ESAM: variants seen among roughly 807,000 people sequenced by gnomAD.
The protein encoded by ESAM is endothelial cell-selective adhesion molecule.
In ESAM, 23 loss-of-function variants were observed where a neutral mutation model predicts 31.8. The ratio of observed to expected loss-of-function variants is 0.72; its 90% confidence interval spans 0.52 to 1.03. The LOEUF (loss-of-function observed/expected upper bound fraction) is 1.03. Among genes scored for constraint, ESAM ranks in the 50% least tolerant of loss-of-function variants. The pLI, the probability that ESAM is intolerant of heterozygous loss-of-function variation, is 0.00. For synonymous variants in ESAM, 216 were observed against 207.2 expected, an observed-to-expected ratio of 1.04 and a Z score of -0.37; for missense variants, 478 against 488.9, an observed-to-expected ratio of 0.98 and a Z score of 0.21.
At chr11:124,757,751 G>T (rs1944173696) in intron 2 of ESAM, among the ~76,000 whole-genome samples, 1 of 143,164 alleles carries the variant, frequency 7.0e-6, no homozygotes, top group Non-Finnish European at 1.5e-5. Context: ...AGGCTGAAGT[G>T]CAGTGGCTGG....
In ESAM at chr11:124,758,393, G is replaced by C. The variant is rs202080091; in HGVS notation, c.205C>G (p.Pro69Ala). The change falls in exon 2 of 7, where the codon CCC becomes GCC. Residue 69 changes from proline to alanine, a missense_variant. By Grantham distance (27) the Pro-to-Ala change is conservative. Coordinates refer to ENST00000278927, the MANE Select transcript of ESAM (RefSeq NM_138961.3). ...TGTTTGAAGAACCACATCACAAAGGGCACCTCCCATGGCTGGGATGAAGAC... is the reference window on the plus strand; with the variant it reads ...TGTTTGAAGAACCACATCACAAAGGCCACCTCCCATGGCTGGGATGAAGAC... ...EVSSSQPWEV[P>A]FVMWFFKQKE... 2 of 1,614,122 alleles carry C rather than the reference G, an allele frequency of 1.2e-6. No individual in the cohort carries two copies. The highest frequency in any genetic ancestry group is 8.5e-7 in the Non-Finnish European group (1 of 1,180,016).
Position 124,754,428 on chromosome 11 carries a change from C to T in ESAM, c.731-88G>A. 1 of 1,539,222 alleles carries T rather than the reference C, an allele frequency of 6.5e-7. No individual in the cohort carries two copies. The highest frequency in any genetic ancestry group is 8.8e-7 in the Non-Finnish European group (1 of 1,142,252). On this transcript the variant is annotated intron_variant, in intron 5 of 6. Transcript: ENST00000278927. The surrounding 1 kb of genome is among the most constrained non-coding windows in gnomAD (Gnocchi z 4.5). ...CCACTCTCCCCACCCCATCTGCCAC[C>T]ATACACATTCCCTCTTTTTCCCTGT...
intron 4 of ESAM, among the ~76,000 whole-genome samples, chr11:124,755,800 G>A (rs1944146014): frequency 6.6e-6 from 1 of 152,070 alleles, no homozygotes; most frequent in Non-Finnish European, 1.5e-5. Context: ...TAAAATCATC[G>A]AATACTTCAT....
At position 124,762,268 on chromosome 11, in the gene ESAM, C is replaced by T. The variant is rs569416200; in HGVS notation, c.-114G>A. 3.8e-5 allele frequency: 30 copies of T among 794,002 alleles called. No individual in the cohort carries two copies. Among genetic ancestry groups the T allele is most frequent in the Non-Finnish European group, 5.0e-5 (26 of 524,130 alleles). 49.2% of individuals were successfully genotyped at this position (794,002 alleles called of 1,614,324 possible). A position where few individuals can be genotyped will look rare whatever the true frequency, so the allele number is the denominator to read the frequency against. ...GCGCGGGAGCCGAGCCGCTGACACC[C>T]AGGGCGGCTCCAGCCCAAGTCTGCG... On this transcript the variant is annotated 5_prime_UTR_variant, in exon 1 of 7. Transcript: ENST00000278927. The surrounding 1 kb of genome is among the most constrained non-coding windows in gnomAD (Gnocchi z 6.4).
chr11:124,758,897 G>A (rs533361016), intron 1 of ESAM, among the ~76,000 whole-genome samples: 68 of 152,322 alleles, frequency 4.5e-4, no homozygotes, highest in Admixed American at 4.3e-3. Flanking sequence ...TGTCGTACGC[G>A]CCACGTAGCC....
chr11:124,757,163 C>A (rs780538340), intron 2 of ESAM: 5 of 195,222 alleles, frequency 2.6e-5, no homozygotes, highest in South Asian at 2.0e-4. Flanking sequence ...AGGCTGGGCA[C>A]GTTGCCTCAT....
chr11:124,756,896 C>T (rs1944161941), intron 2 of ESAM, 154 bp from the exon 3 acceptor site: 2 of 745,284 alleles, frequency 2.7e-6, no homozygotes, highest in South Asian at 3.5e-5. Flanking sequence ...CACCTTTTGT[C>T]CCTAGCCCCC....
At chr11:124,760,435 G>A (rs1385760354) in intron 1 of ESAM, among the ~76,000 whole-genome samples, 1 of 152,246 alleles carries the variant, frequency 6.6e-6, no homozygotes, top group East Asian at 1.9e-4. Flanking sequence ...CCCGCTCCCC[G>A]GGGCTATTTT....
chr11:124,756,434 T>G, intron 3 of ESAM, 72 bp from the exon 4 acceptor site: 1 of 1,579,000 alleles, frequency 6.3e-7, no homozygotes, highest in Non-Finnish European at 8.6e-7. Flanking sequence ...CCTGCACCCT[T>G]CTGTCGCTTC....
intron 4 of ESAM, among the ~76,000 whole-genome samples, chr11:124,755,383 C>G (rs1944141112): frequency 6.6e-6 from 1 of 151,614 alleles, no homozygotes; most frequent in Non-Finnish European, 1.5e-5. Flanking sequence ...TACCCTAAAA[C>G]TTAAAGTATA....
rs1944160199 is a variant in ESAM, at chr11:124,756,759, C to G, written c.250-17G>C. 1 of 1,613,264 alleles carries G rather than the reference C, an allele frequency of 6.2e-7. No homozygotes were observed. The highest frequency in any genetic ancestry group is 1.1e-5 in the South Asian group (1 of 90,926). Reference sequence around the variant, plus strand: ...GGACAACACCTGGTGTGGGGCATAACACATCCCCGTCATTACTACATGTGT... The same window carrying G: ...GGACAACACCTGGTGTGGGGCATAAGACATCCCCGTCATTACTACATGTGT... On this transcript the variant is annotated splice_polypyrimidine_tract_variant and intron_variant, in intron 2 of 6. Transcript: ENST00000278927.
At position 124,758,462 on chromosome 11, in the gene ESAM, C is replaced by G; in HGVS notation, c.136G>C (p.Gly46Arg). Reference sequence around the variant, plus strand: ...TACCACGCTGGAAGCACCACTTCCCCTCCCTCCACCGCCTGCAACCGGTTG... The same window carrying G: ...TACCACGCTGGAAGCACCACTTCCCGTCCCTCCACCGCCTGCAACCGGTTG... Reference protein sequence around the residue: ...PANRLQAVEGGEVVLPAWYTL... With the variant: ...PANRLQAVEGREVVLPAWYTL... The change falls in exon 2 of 7, where the codon GGG becomes CGG. Residue 46 changes from glycine (G) to arginine (R), a missense_variant. Coordinates refer to ENST00000278927, the MANE Select transcript of ESAM (RefSeq NM_138961.3). 1 of 1,612,836 alleles carries G rather than the reference C, an allele frequency of 6.2e-7. No homozygotes were observed. The highest frequency in any genetic ancestry group is 8.5e-7 in the Non-Finnish European group (1 of 1,179,466).
intron 4 of ESAM, 118 bp downstream of exon 4, chr11:124,756,089 C>CCT (rs2134458474): frequency 7.1e-7 from 1 of 1,401,262 alleles, no homozygotes; most frequent in Admixed American, 2.0e-5. Context: ...CCCACATCCT[C>CCT]CTCCTCCTCC....
chr11:124,756,264 G>A lies in ESAM; in HGVS notation c.550C>T (p.Gln184Ter), dbSNP rs903686914. 1.9e-6 allele frequency: 3 copies of A among 1,614,062 alleles called. No individual in the cohort carries two copies. Among genetic ancestry groups the A allele is most frequent in the Non-Finnish European group, 2.5e-6 (3 of 1,180,042 alleles). The change falls in exon 4 of 7, where the codon CAA (glutamine) becomes TAA (stop). Residue 184 changes from glutamine to a stop codon, truncating the protein, a stop_gained. Transcript: ENST00000278927. LOFTEE classifies it high-confidence loss of function. The part of the protein sequence containing the change: ...CQSPRSKPAV[Q>*]YQWDRQLPSF... ...GGAAGCTGCCGATCCCACTGGTATT[G>A]GACAGCGGGCTTACTCCTTGGAGAC...
In ESAM at chr11:124,753,753, G is replaced by A; in HGVS notation, c.1066C>T (p.Gln356Ter). 3 of 1,614,164 alleles carry A rather than the reference G, an allele frequency of 1.9e-6. No individual in the cohort carries two copies. Among genetic ancestry groups the A allele is most frequent in the Non-Finnish European group, 2.5e-6 (3 of 1,180,032 alleles). ...RLPTTDGAHP[Q>*]PISPIPGGVS... is the part of the protein sequence containing the mutation. ...CCACCAGGGATGGGGGATATTGGTT[G>A]AGGGTGGGCCCCATCTGTCGTGGGC... is the stretch of plus-strand genomic sequence containing the variant. Residue 356 changes from glutamine (Q) to a stop codon, truncating the protein, a stop_gained, in exon 7 of 7, where the codon CAA (glutamine) becomes TAA (stop). Coordinates refer to ENST00000278927, the MANE Select transcript of ESAM (RefSeq NM_138961.3). LOFTEE classifies it high-confidence loss of function.
chr11:124,753,500 T>G lies in ESAM; in HGVS notation c.*146A>C, dbSNP rs1944115639. ...CCTGGACACTTAGGTCTTACTGAGA[T>G]GGTTTTCCCACAGTAAAGAGAGGTG... On this transcript the variant is annotated 3_prime_UTR_variant, in exon 7 of 7. Transcript: ENST00000278927. 1 of 840,264 alleles carries G rather than the reference T, an allele frequency of 1.2e-6. No individual in the cohort carries two copies. Among genetic ancestry groups the G allele is most frequent in the Non-Finnish European group, 1.8e-6 (1 of 552,864 alleles). The allele number at this position is 840,264 out of a possible 1,614,324, so 52.1% of individuals were successfully genotyped here.
In ESAM at chr11:124,758,526, C is replaced by T. The variant is rs995925467; in HGVS notation, c.72G>A (p.Ala24=). The change falls in exon 2 of 7, where the codon GCG becomes GCA. Residue 24 remains alanine, a splice_region_variant and synonymous_variant. Transcript: ENST00000278927. ...GTTGCAGCTGGGCCCGCGAGGGGGG[C>T]GCTGGAGACAAGAGCGAGGCGTGAG... ...RFLFLGLSAL[A]PPSRAQLQLH... is the part of the protein sequence containing the mutation. 1.3e-6 allele frequency: 2 copies of T among 1,550,100 alleles called. No homozygotes were observed. The highest frequency in any genetic ancestry group is 1.2e-5 in the South Asian group (1 of 82,994).
chr11:124,754,074 C>T lies in ESAM; in HGVS notation c.858-113G>A, dbSNP rs1944125874. 4 of 1,551,186 alleles carry T rather than the reference C, an allele frequency of 2.6e-6. No homozygotes were observed. The highest frequency in any genetic ancestry group is 3.5e-6 in the Non-Finnish European group (4 of 1,143,716). On this transcript the variant is annotated intron_variant, in intron 6 of 6. Transcript: ENST00000278927. The surrounding 1 kb of genome is among the most constrained non-coding windows in gnomAD (Gnocchi z 4.5). ...TGCCTGCACACTTCAGTACTCCTTT[C>T]CCTCTCCCTTAAAACCTGCCCATAG... is the stretch of plus-strand genomic sequence containing the variant.
rs760488150 is a variant in ESAM, at chr11:124,753,942, G to C, written c.877C>G (p.Arg293Gly). Residue 293 changes from arginine to glycine, a missense_variant, in exon 7 of 7, where the codon CGG (arginine) becomes GGG (glycine). Arg to Gly is a moderately radical substitution (Grantham distance 125). Transcript: ENST00000278927. ...GAGCTCTTGGGCCAGGGCAGGGTCC[G>C]GGGAGCAATGGCATCCTCCCTAGTC... ...NDIKEDAIAP[R>G]TLPWPKSSDT... 3 of 1,613,514 alleles carry C rather than the reference G, an allele frequency of 1.9e-6. No individual in the cohort carries two copies. The highest frequency in any genetic ancestry group is 2.2e-5 in the East Asian group (1 of 44,874).
Sources: allele counts gnomAD v4.1 joint callset (sites outside exome capture counted in the v4.1 genomes callset), GRCh38; gene constraint gnomAD v4.1.1; non-coding constraint Gnocchi (gnomAD v3.1); transcripts MANE v1.5; gene names NCBI Gene and HGNC (gene_info 2026-07-23, HGNC 2026-07-21).